The following PIGQ variants were observed in gnomAD, a reference collection of about 807,000 sequenced individuals.
The protein encoded by PIGQ is phosphatidylinositol N-acetylglucosaminyltransferase subunit Q.
In PIGQ, 54 loss-of-function variants were observed where a neutral mutation model predicts 60.3. That is an observed-to-expected ratio of 0.90 (90% CI 0.72 to 1.12). PIGQ has a LOEUF of 1.12. Among genes scored for constraint, PIGQ ranks in the 50% most tolerant of loss-of-function variants. PIGQ has a pLI of 0.00. For synonymous variants in PIGQ, 416 were observed against 363.7 expected (o/e 1.14, Z -1.64); for missense variants, 799 against 793.5 (o/e 1.01, Z -0.08).
In PIGQ at chr16:578,477, C is replaced by G; in HGVS notation, c.1041C>G (p.Phe347Leu). The change falls in exon 5 of 11, where the codon TTC becomes TTG. Residue 347 changes from phenylalanine to leucine, a missense_variant. Transcript: ENST00000321878. ...CACTGGACCAGGTGCTGGGCCGCTTCTTCCTCTACCACATCCACCTGTGGA... is the reference window on the plus strand; with the variant it reads ...CACTGGACCAGGTGCTGGGCCGCTTGTTCCTCTACCACATCCACCTGTGGA... The part of the protein sequence containing the change: ...NRALDQVLGR[F>L]FLYHIHLWIS... 6.2e-7 allele frequency: 1 copy of G among 1,612,624 alleles called. No individual in the cohort carries two copies. The highest frequency in any genetic ancestry group is 1.1e-5 in the South Asian group (1 of 91,078).
chr16:574,473 G>C lies in PIGQ; in HGVS notation c.399G>C (p.Gln133His), dbSNP rs1440526874. The C allele has an allele frequency of 6.2e-7, 1 of 1,610,396 alleles. No individual in the cohort carries two copies. The highest frequency in any genetic ancestry group is 8.5e-7 in the Non-Finnish European group (1 of 1,179,088). ...AGGTCATGCTCATCTTCTATGACCA[G>C]CGCCAGGTGTTGCTGTCACAGCTAC... ...EDQVMLIFYD[Q>H]RQVLLSQLHL... Residue 133 changes from glutamine to histidine, a missense_variant, in exon 2 of 11, where the codon CAG becomes CAC. Physicochemically the swap from Gln to His is conservative, Grantham distance 24 (BLOSUM62 0). Coordinates refer to ENST00000321878, the MANE Select transcript of PIGQ (RefSeq NM_004204.5).
chr16:573,561 T>C (rs1019099747), intron 1 of PIGQ, among the ~76,000 whole-genome samples: 4 of 152,224 alleles, frequency 2.6e-5, no homozygotes, highest in African/African-American at 9.6e-5. Context: ...TCATTTTACA[T>C]TTTCATCTTT....
chr16:576,221 G>T lies in PIGQ; in HGVS notation c.909G>T (p.Gly303=). 1 of 1,551,746 alleles carries T rather than the reference G, an allele frequency of 6.4e-7. No individual in the cohort carries two copies. Residue 303 remains glycine, a synonymous_variant, in exon 4 of 11, where the codon GGG becomes GGT. Coordinates refer to ENST00000321878, the MANE Select transcript of PIGQ (RefSeq NM_004204.5). ...GGCTCCACGGGAGAAGCCGCATCGG[G>T]CATCTGGCCGACGCCCTCGTTCCTG... is the stretch of plus-strand genomic sequence containing the variant. ...LSWLHGRSRI[G]HLADALVPVA... is the part of the protein sequence containing the mutation.
intron 1 of PIGQ, among the ~76,000 whole-genome samples, chr16:571,567 T>G (rs1367418709): frequency 1.9e-5 from 2 of 107,786 alleles, no homozygotes; most frequent in African/African-American, 4.1e-5. Context: ...GCTAGCCTGG[T>G]GCCCGTGTGT....
At chr16:576,562 C>T in intron 4 of PIGQ, 1 of 529,444 alleles carries the variant, frequency 1.9e-6, no homozygotes, top group Admixed American at 3.6e-5. Context: ...CCCTTGTGGT[C>T]CCTGAGATCA....
rs1414146161 is a variant in PIGQ at position 583,888 on chromosome 16, T to G, written c.*853T>G. On this transcript the variant is annotated 3_prime_UTR_variant, in exon 11 of 11. Coordinates refer to ENST00000321878, the MANE Select transcript of PIGQ (RefSeq NM_004204.5). ...GGGGCCGTGGCACTGAGGCCGAAAGTGCCTGCCAGACGGCACGGTCTGGGT... is the reference window on the plus strand; with the variant it reads ...GGGGCCGTGGCACTGAGGCCGAAAGGGCCTGCCAGACGGCACGGTCTGGGT... 6 of 557,360 alleles carry G rather than the reference T, an allele frequency of 1.1e-5. No individual in the cohort carries two copies. The Admixed American group carries it at 1.5e-4, about 13-fold the overall frequency. The allele number at this position is 557,360 out of a possible 1,614,324, so 34.5% of individuals were successfully genotyped here.
At chr16:578,110 G>A in intron 4 of PIGQ, 1 of 387,608 alleles carries the variant, frequency 2.6e-6, no homozygotes, top group Non-Finnish European at 4.8e-6. Context: ...GATGGTAGAG[G>A]TGGGTGCAGG....
chr16:578,449 G>C lies in PIGQ; in HGVS notation c.1013G>C (p.Arg338Pro). The C allele has an allele frequency of 6.2e-7, 1 of 1,612,654 alleles. No individual in the cohort carries two copies. The highest frequency in any genetic ancestry group is 8.5e-7 in the Non-Finnish European group (1 of 1,179,856). Residue 338 changes from arginine (R) to proline (P), a missense_variant, in exon 5 of 11, where the codon CGT becomes CCT. By Grantham distance (103) the Arg-to-Pro change is moderately radical. Coordinates refer to ENST00000321878, the MANE Select transcript of PIGQ (RefSeq NM_004204.5). ...GCTCCCGCCGGGCTCAAGATGAACC[G>C]TGCACTGGACCAGGTGCTGGGCCGC... ...MGAPAGLKMN[R>P]ALDQVLGRFF...
Position 581,193 on chromosome 16 carries a change from G to A in PIGQ, c.1531+221G>A, listed in dbSNP as rs374501539. On this transcript the variant is annotated intron_variant, in intron 9 of 10. Transcript: ENST00000321878. ...AGAGAGACTCAGAGACTCACCTGCC[G>A]CGCAGGTTCAGAACCCTGGAGACCT... The A allele has an allele frequency of 2.2e-5, 32 of 1,432,084 alleles. 1 individual carries two copies. Among genetic ancestry groups the A allele is most frequent in the South Asian group, 2.0e-4 (14 of 70,188 alleles). 88.7% of individuals were successfully genotyped at this position (1,432,084 alleles called of 1,614,324 possible).
chr16:575,598 C>T (rs1038055314), intron 2 of PIGQ, among the ~76,000 whole-genome samples: 2 of 152,116 alleles, frequency 1.3e-5, no homozygotes, highest in African/African-American at 4.8e-5. Flanking sequence ...CATGTGGTGA[C>T]CAGGTGGCCC....
chr16:577,406 T>C (rs2035737514), intron 4 of PIGQ, among the ~76,000 whole-genome samples: 3 of 151,708 alleles, frequency 2.0e-5, no homozygotes, highest in East Asian at 3.9e-4. Context: ...TGAAATCCCG[T>C]CTCTACTAAA....
intron 2 of PIGQ, 146 bp from the exon 3 acceptor site, chr16:575,693 C>A (rs1485106052): frequency 1.2e-6 from 1 of 801,264 alleles, no homozygotes; most frequent in Non-Finnish European, 2.0e-6. Context: ...CTACCACCAC[C>A]TGGGCCACCG....
chr16:575,236 C>T (rs994013188), intron 2 of PIGQ, among the ~76,000 whole-genome samples: 6 of 152,212 alleles, frequency 3.9e-5, no homozygotes, highest in Non-Finnish European at 7.4e-5. Flanking sequence ...GAGTGGTCTA[C>T]AGGCCCTGCT....
At chr16:571,513 T>TGTGTGTGA (rs2035627331) in intron 1 of PIGQ, among the ~76,000 whole-genome samples, 1 of 134,704 alleles carries the variant, frequency 7.4e-6, no homozygotes, top group Non-Finnish European at 1.5e-5. Flanking sequence ...TGTGTGTGTG[T>TGTGTGTGA]GTGTGTGTCT....
At position 583,297 on chromosome 16, in the gene PIGQ, A is replaced by G; in HGVS notation, c.*262A>G. On this transcript the variant is annotated 3_prime_UTR_variant, in exon 11 of 11. Transcript: ENST00000321878. ...CCGCTTCCCACCTGCTGCGGTCACC[A>G]TGGTGGCGAGCACAGCAACCCCAGG... 6.2e-7 allele frequency: 1 copy of G among 1,612,840 alleles called. No individual in the cohort carries two copies. The highest frequency in any genetic ancestry group is 8.5e-7 in the Non-Finnish European group (1 of 1,179,958).
intron 7 of PIGQ, 42 bp from the exon 8 acceptor site, chr16:580,141 C>T (rs368917090): frequency 5.9e-6 from 9 of 1,530,196 alleles, no homozygotes; most frequent in Admixed American, 3.4e-5. Context: ...TCCCTGGGCG[C>T]GGGGTCCTGC....
At chr16:582,473 C>G (rs932946660) in intron 10 of PIGQ, 164 bp downstream of exon 10, 2 of 604,086 alleles carry the variant, frequency 3.3e-6, no homozygotes, top group Non-Finnish European at 5.8e-6. Flanking sequence ...CCCCCTCCCC[C>G]TTACCCCCAG....
In PIGQ at chr16:583,349, C is replaced by G; in HGVS notation, c.*314C>G. On this transcript the variant is annotated 3_prime_UTR_variant, in exon 11 of 11. Transcript: ENST00000321878. Reference sequence around the variant, plus strand: ...GTCCAGAGCACTGCCCCATGCCCACCCTGTGTACCCAGGTCCAGAGGGTCC... The same window carrying G: ...GTCCAGAGCACTGCCCCATGCCCACGCTGTGTACCCAGGTCCAGAGGGTCC... 1.2e-6 allele frequency: 2 copies of G among 1,612,568 alleles called. No individual in the cohort carries two copies. The highest frequency in any genetic ancestry group is 1.1e-5 in the South Asian group (1 of 91,066).
chr16:571,552 GTC>G, intron 1 of PIGQ, among the ~76,000 whole-genome samples: 1 of 108,678 alleles, frequency 9.2e-6, no homozygotes, highest in Non-Finnish European at 1.8e-5. Flanking sequence ...GTGTGTGTGT[GTC>G]TGGCTAGCCT....
Sources: allele counts gnomAD v4.1 joint callset (sites outside exome capture counted in the v4.1 genomes callset), GRCh38; gene constraint gnomAD v4.1.1; transcripts MANE v1.5; gene names NCBI Gene and HGNC (gene_info 2026-07-23, HGNC 2026-07-21).